DNAH12: variants seen among roughly 807,000 people sequenced by gnomAD.
The protein encoded by DNAH12 is axonemal beta dynein heavy chain 12.
In DNAH12, 285 loss-of-function variants were observed where a neutral mutation model predicts 371.5. The observed-to-expected ratio is 0.77, with a 90% CI of 0.70 to 0.85. DNAH12 has a LOEUF of 0.85. Among genes scored for constraint, DNAH12 ranks in the 40% least tolerant of loss-of-function variants. The pLI is 0.00. For missense variants in DNAH12, 3,611 were observed against 3,689.4 expected (o/e 0.98, Z 0.55); for synonymous variants, 1,200 against 1,213.0 (o/e 0.99, Z 0.22).
intron 45 of DNAH12, among the ~76,000 whole-genome samples, chr3:57,387,802 T>C (rs1191592268): frequency 2.0e-5 from 3 of 152,250 alleles, no homozygotes; most frequent in Admixed American, 1.3e-4. Context: ...TTGTGAACAA[T>C]GGCACTCCAG....
At chr3:57,508,719 C>T (rs1575705851) in intron 6 of DNAH12, among the ~76,000 whole-genome samples, 179 bp from the exon 7 acceptor site, 5 of 152,190 alleles carry the variant, frequency 3.3e-5, no homozygotes, top group Admixed American at 2.6e-4. Context: ...ACATCAAGAA[C>T]TCAAAACTGC....
chr3:57,483,609 G>A (rs1338955461), intron 12 of DNAH12, 98 bp from the exon 13 acceptor site: 2 of 1,276,214 alleles, frequency 1.6e-6, no homozygotes, highest in Non-Finnish European at 2.0e-6. Context: ...TAAGAACTAT[G>A]ATATCCTAAA....
chr3:57,552,608 T>G, the DNAH12 span, among the ~76,000 whole-genome samples: 1 of 152,136 alleles, frequency 6.6e-6, no homozygotes, highest in Non-Finnish European at 1.5e-5. Context: ...GTTATTTATT[T>G]TGAAAAAACA....
At position 57,499,026 on chromosome 3, in the gene DNAH12, C is replaced by CACACAA; in HGVS notation, c.1335+2294_1335+2295insTTGTGT. Among the ~76,000 whole-genome samples the CACACAA allele has an allele frequency of 2.0e-5, 3 of 151,882 alleles. No individual in the cohort carries two copies. In the Middle Eastern group the frequency reaches 0.01, roughly 517 times the overall value. On this transcript the variant is annotated intron_variant, in intron 11 of 73. Coordinates refer to ENST00000495027, the MANE Select transcript of DNAH12 (RefSeq NM_001366028.2). ...AAACAAAAACAAAAACACACACACA[C>CACACAA]AAAAACAAAAACAAAAGAGGAATAA...
chr3:57,459,411 C>T (rs1357233044), intron 20 of DNAH12, among the ~76,000 whole-genome samples, 181 bp downstream of exon 20: 1 of 152,152 alleles, frequency 6.6e-6, no homozygotes, highest in East Asian at 1.9e-4. Flanking sequence ...AGCAATGTAT[C>T]TTATGAATTG....
Position 57,435,202 on chromosome 3 carries a change from T to C in DNAH12, c.4656-1374A>G, listed in dbSNP as rs140215560. ...GCTTGGCCAACATGGCAAAACCCTGTCTTTACTAAAAATACCAAAATTAGC... is the reference window on the plus strand; with the variant it reads ...GCTTGGCCAACATGGCAAAACCCTGCCTTTACTAAAAATACCAAAATTAGC... On this transcript the variant is annotated intron_variant, in intron 30 of 73. Transcript: ENST00000495027. Among the ~76,000 whole-genome samples, 731 of 151,936 alleles carry C rather than the reference T, an allele frequency of 4.8e-3. 6 individuals are homozygous for C. The highest frequency in any genetic ancestry group is 0.017 in the African/African-American group (705 of 41,450).
intron 59 of DNAH12, among the ~76,000 whole-genome samples, chr3:57,356,207 T>C (rs934783069): frequency 8.5e-5 from 13 of 152,188 alleles, no homozygotes; most frequent in Admixed American, 7.9e-4. Flanking sequence ...TTAGGGATGC[T>C]GAGTCGGGCA....
chr3:57,429,144 C>T (rs2064874822), intron 33 of DNAH12, among the ~76,000 whole-genome samples: 1 of 151,546 alleles, frequency 6.6e-6, no homozygotes. Context: ...GCTCCTCTAT[C>T]CATCCTCCTC....
At chr3:57,481,789 T>G (rs1220069905) in intron 13 of DNAH12, among the ~76,000 whole-genome samples, 1 of 151,392 alleles carries the variant, frequency 6.6e-6, no homozygotes, top group Non-Finnish European at 1.5e-5. Context: ...CATCTGATCT[T>G]TGACAAACCT....
chr3:57,480,333 A>C lies in DNAH12; in HGVS notation c.1650+3043T>G, dbSNP rs2066693784. Among the ~76,000 whole-genome samples, 3 of 152,156 alleles carry C rather than the reference A, an allele frequency of 2.0e-5. 1 individual carries two copies. In the South Asian group the frequency reaches 6.2e-4, roughly 32 times the overall value. Reference sequence around the variant, plus strand: ...CTAGAAAATCTAGAAGAAATGGATAAATTCCTCGACACATACACCCTCCCA... The same window carrying C: ...CTAGAAAATCTAGAAGAAATGGATACATTCCTCGACACATACACCCTCCCA... On this transcript the variant is annotated intron_variant, in intron 13 of 73. Transcript: ENST00000495027.
chr3:57,543,689 G>C (rs151101807), intron 1 of DNAH12, among the ~76,000 whole-genome samples: 5 of 151,062 alleles, frequency 3.3e-5, no homozygotes, highest in African/African-American at 1.2e-4. Flanking sequence ...GTGATGCTAT[G>C]ATCAAGCAAA....
intron 29 of DNAH12, among the ~76,000 whole-genome samples, chr3:57,441,387 A>G (rs2065299525): frequency 6.6e-6 from 1 of 152,202 alleles, no homozygotes; most frequent in Admixed American, 6.5e-5. Flanking sequence ...GAAAAACAAA[A>G]GAGAAAAAAA....
intron 69 of DNAH12, among the ~76,000 whole-genome samples, chr3:57,304,511 C>A (rs1377156142): frequency 6.6e-6 from 1 of 152,182 alleles, no homozygotes; most frequent in Non-Finnish European, 1.5e-5. Context: ...TCTCTCTTCT[C>A]TCAATTTCAG....
In DNAH12 at chr3:57,489,558, T is replaced by C. The variant is rs1027984718; in HGVS notation, c.1465A>G (p.Asn489Asp). 3.9e-6 allele frequency: 6 copies of C among 1,531,912 alleles called. No individual in the cohort carries two copies. The African/African-American group carries it at 7.0e-5, about 18-fold the overall frequency. 94.9% of individuals were successfully genotyped at this position (1,531,912 alleles called of 1,614,324 possible). A position where few individuals can be genotyped will look rare whatever the true frequency, so the allele number is the denominator to read the frequency against. Residue 489 changes from asparagine to aspartate, a missense_variant, in exon 12 of 74, where the codon AAC becomes GAC. By Grantham distance (23) the Asn-to-Asp change is conservative (BLOSUM62 1). Coordinates refer to ENST00000495027, the MANE Select transcript of DNAH12 (RefSeq NM_001366028.2). ...GLTNKAKAFA[N>D]ILLNDIASKY... ...GAAGCTATGTCATTTAATAATATGT[T>C]TGCAAAGGCTTTTGCTTTATTTGTC...
intron 55 of DNAH12, among the ~76,000 whole-genome samples, chr3:57,370,017 A>T (rs1274803362): frequency 2.0e-5 from 3 of 152,198 alleles, no homozygotes; most frequent in Admixed American, 2.0e-4. Flanking sequence ...TTGCATTCTA[A>T]GTATACCTTA....
chr3:57,454,859 T>C lies in DNAH12; in HGVS notation c.3372A>G (p.Arg1124=), dbSNP rs1340062986. 1 of 1,551,112 alleles carries C rather than the reference T, an allele frequency of 6.4e-7. No individual in the cohort carries two copies. The highest frequency in any genetic ancestry group is 1.7e-4 in the Middle Eastern group (1 of 6,014). ...YPESARRDWV[R]EWPGQVVLCI... ...AAAGTACAACTTGGCCAGGCCACTCTCGAACCCAGTCTCTTCTTGCAGATT... is the reference window on the plus strand; with the variant it reads ...AAAGTACAACTTGGCCAGGCCACTCCCGAACCCAGTCTCTTCTTGCAGATT... Residue 1124 remains arginine, a synonymous_variant, in exon 23 of 74, where the codon CGA becomes CGG. Coordinates refer to ENST00000495027, the MANE Select transcript of DNAH12 (RefSeq NM_001366028.2).
At chr3:57,555,135 T>G in the DNAH12 span, among the ~76,000 whole-genome samples, 1 of 152,058 alleles carries the variant, frequency 6.6e-6, no homozygotes, top group South Asian at 2.1e-4. Flanking sequence ...TCCCAGCTAC[T>G]TGGGAGGCTG....
In DNAH12 at chr3:57,408,307, C is replaced by A. The variant is rs1553681918; in HGVS notation, c.6249G>T (p.Gly2083=). ...CCATAGTCCCATTGACTATCTGGTT[C>A]CCAATTACAAAGTACTCTGGAGGAA... ...HEFPPEYFVI[G]NQIVNGTMEI... Residue 2083 remains glycine (G), a synonymous_variant, in exon 40 of 74, where the codon GGG becomes GGT. Transcript: ENST00000495027. The A allele has an allele frequency of 6.4e-7, 1 of 1,550,500 alleles. No individual in the cohort carries two copies. Among genetic ancestry groups the A allele is most frequent in the South Asian group, 1.2e-5 (1 of 83,768 alleles).
chr3:57,371,059 G>A (rs2063159782), intron 55 of DNAH12, among the ~76,000 whole-genome samples: 1 of 152,224 alleles, frequency 6.6e-6, no homozygotes, highest in African/African-American at 2.4e-5. Flanking sequence ...TCTCATACAG[G>A]TTTAGGATAT....
Sources: gnomAD v4.1 joint callset for allele counts (sites outside exome capture counted in the v4.1 genomes callset) on GRCh38, gnomAD v4.1.1 for gene constraint, MANE v1.5 for transcripts, NCBI Gene and HGNC (gene_info 2026-07-23, HGNC 2026-07-21) for gene names.